UBE2O: variants seen among roughly 807,000 people sequenced by gnomAD.
The protein encoded by UBE2O is (E3-independent) E2 ubiquitin-conjugating enzyme.
UBE2O carries 15 observed loss-of-function variants against 125.8 expected under a neutral mutation model. That is an observed-to-expected ratio of 0.12 (90% CI 0.08 to 0.18). The LOEUF is 0.18. Ranked by LOEUF, UBE2O falls within the 10% of genes least tolerant of loss-of-function variation. The pLI, the probability that UBE2O is intolerant of heterozygous loss-of-function variation, is 1.00. For synonymous variants in UBE2O, 708 were observed against 703.2 expected (o/e 1.01, Z -0.11); for missense variants, 1,280 against 1,723.6 (o/e 0.74, Z 4.56).
intron 1 of UBE2O, among the ~76,000 whole-genome samples, chr17:76,409,603 T>G (rs1037057009): frequency 6.7e-6 from 1 of 149,992 alleles, no homozygotes; most frequent in Non-Finnish European, 1.5e-5. Flanking sequence ...ACCATGTTGG[T>G]CAGGCTGGTC....
At chr17:76,424,849 CTTTTTTTTTTTTTATTTTTTA>C (rs938320613) in intron 1 of UBE2O, among the ~76,000 whole-genome samples, 1 of 143,816 alleles carries the variant, frequency 7.0e-6, no homozygotes, top group African/African-American at 2.6e-5. Context: ...TCACCTGTTT[CTTTTTTTTTTTTTATTTTTTA>C]TTTTTTTTTT....
chr17:76,411,877 T>G (rs1007203604), intron 1 of UBE2O, among the ~76,000 whole-genome samples: 3 of 151,928 alleles, frequency 2.0e-5, no homozygotes, highest in Non-Finnish European at 2.9e-5. Context: ...GAGACTGGGT[T>G]TTACCATGTT....
chr17:76,395,772 T>G lies in UBE2O; in HGVS notation c.2899A>C (p.Thr967Pro). Residue 967 changes from threonine (T) to proline (P), a missense_variant, in exon 15 of 18, where the codon ACC becomes CCC. Transcript: ENST00000319380. This position sits in a 1 kb window ranked among gnomAD's most constrained non-coding sequence, Gnocchi z 5.0. ...TVRKEMALLA[T>P]SLPEGIMVKT... ...ACCATGATGCCCTCAGGCAGTGAGG[T>G]AGCCAGCAGCGCCATCTCCTTCCGC... The G allele has an allele frequency of 6.2e-7, 1 of 1,614,214 alleles. No homozygotes were observed. The highest frequency in any genetic ancestry group is 8.5e-7 in the Non-Finnish European group (1 of 1,180,034).
At chr17:76,449,074 T>TA (rs2073193675) in intron 1 of UBE2O, among the ~76,000 whole-genome samples, 2 of 152,258 alleles carry the variant, frequency 1.3e-5, no homozygotes. Flanking sequence ...TGGAAGAACT[T>TA]ACTTTGTTTC....
At chr17:76,448,962 G>A (rs1023467637) in intron 1 of UBE2O, among the ~76,000 whole-genome samples, 3 of 152,270 alleles carry the variant, frequency 2.0e-5, no homozygotes, top group African/African-American at 7.2e-5. Context: ...GAGAAAGGAA[G>A]AAGCATATAA....
chr17:76,432,049 A>G (rs1176670711), intron 1 of UBE2O, among the ~76,000 whole-genome samples: 2 of 152,200 alleles, frequency 1.3e-5, no homozygotes, highest in African/African-American at 2.4e-5. Context: ...TTAAAAGGCT[A>G]AACTAAAAAC....
At chr17:76,424,792 C>T (rs956983007) in intron 1 of UBE2O, among the ~76,000 whole-genome samples, 3 of 151,056 alleles carry the variant, frequency 2.0e-5, no homozygotes, top group African/African-American at 4.9e-5. Context: ...CACTCCAGCC[C>T]GGGCAACAGA....
At chr17:76,446,657 C>T (rs1243717759) in intron 1 of UBE2O, among the ~76,000 whole-genome samples, 1 of 152,170 alleles carries the variant, frequency 6.6e-6, no homozygotes, top group Non-Finnish European at 1.5e-5. Flanking sequence ...CTCAGCATTC[C>T]CAGCCGAAGG....
intron 15 of UBE2O, 64 bp from the exon 16 acceptor site, chr17:76,392,177 GGCATCT>G: frequency 1.9e-6 from 2 of 1,056,106 alleles, no homozygotes; most frequent in Non-Finnish European, 2.7e-6. Context: ...TCCTACATGT[GGCATCT>G]GCATCTGCAC....
At chr17:76,403,263 TTTTAC>T (rs1016034501) in intron 3 of UBE2O, among the ~76,000 whole-genome samples, 2 of 152,050 alleles carry the variant, frequency 1.3e-5, no homozygotes, top group African/African-American at 4.8e-5. Flanking sequence ...ATATATTTTA[TTTTAC>T]TTTATTATTA....
At position 76,399,037 on chromosome 17, in the gene UBE2O, C is replaced by T. The variant is rs1372317272; in HGVS notation, c.1629-46G>A. The stretch of plus-strand genomic sequence containing the variant: ...GCAGGCCATGCAAACCCCACCCCCT[C>T]CGCGGAAAGGGCAGAGAGTCTTTCT... On this transcript the variant is annotated intron_variant, in intron 9 of 17. Coordinates refer to ENST00000319380, the MANE Select transcript of UBE2O (RefSeq NM_022066.4). The surrounding 1 kb of genome is among the most constrained non-coding windows in gnomAD (Gnocchi z 6.9). 6.2e-7 allele frequency: 1 copy of T among 1,600,672 alleles called. No individual in the cohort carries two copies. Among genetic ancestry groups the T allele is most frequent in the South Asian group, 1.1e-5 (1 of 89,264 alleles).
chr17:76,410,590 C>T lies in UBE2O; in HGVS notation c.418-5018G>A, dbSNP rs2072498826. 6.6e-6 allele frequency among the ~76,000 whole-genome samples: 1 copy of T among 152,186 alleles called. No individual in the cohort carries two copies. Among genetic ancestry groups the T allele is most frequent in the Non-Finnish European group, 1.5e-5 (1 of 68,044 alleles). ...CCTCTGGATACATCAAGTAGGAAAG[C>T]AATCAAATGGTAAGTGAGGGGTCAG... On this transcript the variant is annotated intron_variant, in intron 1 of 17. Transcript: ENST00000319380. The surrounding 1 kb of genome is among the most constrained non-coding windows in gnomAD (Gnocchi z 4.0).
rs2072221664 is a variant in UBE2O at position 76,396,956 on chromosome 17, C to A, written c.2116-135G>T. 2.8e-6 allele frequency: 2 copies of A among 721,714 alleles called. No individual in the cohort carries two copies. Among genetic ancestry groups the A allele is most frequent in the South Asian group, 3.8e-5 (2 of 52,572 alleles). 44.7% of individuals were successfully genotyped at this position (721,714 alleles called of 1,614,324 possible). A position where few individuals can be genotyped will look rare whatever the true frequency, so the allele number is the denominator to read the frequency against. On this transcript the variant is annotated intron_variant, in intron 13 of 17. Coordinates refer to ENST00000319380, the MANE Select transcript of UBE2O (RefSeq NM_022066.4). This position sits in a 1 kb window ranked among gnomAD's most constrained non-coding sequence, Gnocchi z 6.7. ...ATGAGGCCTTGGCAACCTCATTCCA[C>A]CCTTTCCCTGACCTCTGCTCTGGCT...
intron 1 of UBE2O, among the ~76,000 whole-genome samples, chr17:76,426,422 T>G (rs999354704): frequency 2.6e-5 from 4 of 152,232 alleles, no homozygotes; most frequent in Non-Finnish European, 5.9e-5. Context: ...GCACATATAA[T>G]TGTTTACTTT....
chr17:76,433,982 G>A (rs1431599648), intron 1 of UBE2O, among the ~76,000 whole-genome samples: 1 of 152,172 alleles, frequency 6.6e-6, no homozygotes, highest in Non-Finnish European at 1.5e-5. Context: ...ACCAGAACTT[G>A]TCTCAAACTA....
At chr17:76,426,700 T>C (rs1043781275) in intron 1 of UBE2O, among the ~76,000 whole-genome samples, 23 of 152,304 alleles carry the variant, frequency 1.5e-4, no homozygotes, top group Middle Eastern at 3.4e-3. Flanking sequence ...AAGAGTGTGT[T>C]CATTCAAATC....
chr17:76,416,028 CGT>C lies in UBE2O; in HGVS notation c.418-10458_418-10457del, dbSNP rs2072603689. ...GTATGTGTATACATATGTACACACACGTATATATGTGTGTGTACATATGTACA... is the reference window on the plus strand; with the variant it reads ...GTATGTGTATACATATGTACACACACATATATGTGTGTGTACATATGTACA... On this transcript the variant is annotated intron_variant, in intron 1 of 17. Transcript: ENST00000319380. 1.3e-5 allele frequency among the ~76,000 whole-genome samples: 2 copies of C among 149,028 alleles called. 1 individual carries two copies. The highest frequency in any genetic ancestry group is 4.2e-4 in the South Asian group (2 of 4,756).
rs2072503814 is a variant in UBE2O, at chr17:76,410,899, C to T, written c.418-5327G>A. ...TCCTGGTCCAGACTCTCATTCATAA[C>T]ACTGACCTTGACTGACCAGGTGGAA... On this transcript the variant is annotated intron_variant, in intron 1 of 17. Coordinates refer to ENST00000319380, the MANE Select transcript of UBE2O (RefSeq NM_022066.4). This position sits in a 1 kb window ranked among gnomAD's most constrained non-coding sequence, Gnocchi z 4.0. Among the ~76,000 whole-genome samples, 1 of 152,222 alleles carries T rather than the reference C, an allele frequency of 6.6e-6. No homozygotes were observed. The highest frequency in any genetic ancestry group is 2.4e-5 in the African/African-American group (1 of 41,444).
In UBE2O at chr17:76,397,790, G is replaced by A. The variant is rs769782554; in HGVS notation, c.2115+9C>T. The A allele has an allele frequency of 1.2e-6, 2 of 1,614,080 alleles. No individual in the cohort carries two copies. Among genetic ancestry groups the A allele is most frequent in the Non-Finnish European group, 1.7e-6 (2 of 1,179,962 alleles). The stretch of plus-strand genomic sequence containing the variant: ...CAAGCTCAGCAGGGGGGTCTTGCCA[G>A]AGCCTCACCTGGGGCAGGATGATGG... On this transcript the variant is annotated intron_variant, in intron 13 of 17. Coordinates refer to ENST00000319380, the MANE Select transcript of UBE2O (RefSeq NM_022066.4).
Sources: allele counts gnomAD v4.1 joint callset (sites outside exome capture counted in the v4.1 genomes callset), GRCh38; gene constraint gnomAD v4.1.1; non-coding constraint Gnocchi (gnomAD v3.1); transcripts MANE v1.5; gene names NCBI Gene and HGNC (gene_info 2026-07-23, HGNC 2026-07-21).